Variants in SUPT3H observed in about 807,000 individuals in gnomAD.
The protein encoded by SUPT3H is transcription initiation protein SPT3 homolog.
Under a neutral mutation model 44.3 loss-of-function variants are expected in SUPT3H, and 44 were observed. The ratio of observed to expected loss-of-function variants is 0.99; its 90% confidence interval spans 0.78 to 1.28. The LOEUF (loss-of-function observed/expected upper bound fraction) is 1.28. Among genes scored for constraint, SUPT3H ranks in the 50% most tolerant of loss-of-function variants. SUPT3H has a pLI of 0.00. For missense variants in SUPT3H, 380 were observed against 387.1 expected, an observed-to-expected ratio of 0.98 and a Z score of 0.15; for synonymous variants, 124 against 125.6, an observed-to-expected ratio of 0.99 and a Z score of 0.09.
At chr6:44,860,471 T>C (rs1749305232) in intron 10 of SUPT3H, among the ~76,000 whole-genome samples, 1 of 152,206 alleles carries the variant, frequency 6.6e-6, no homozygotes, top group Non-Finnish European at 1.5e-5. Flanking sequence ...AACCTTCTCA[T>C]TGTACAGTTG....
chr6:45,055,487 C>A (rs985495235), intron 3 of SUPT3H, among the ~76,000 whole-genome samples: 2 of 152,072 alleles, frequency 1.3e-5, no homozygotes, highest in African/African-American at 4.8e-5. Context: ...CACATAGACC[C>A]ATGCAATAGC....
At chr6:45,097,395 C>G (rs532499181) in intron 3 of SUPT3H, 1 of 152,182 alleles carries the variant, frequency 6.6e-6, no homozygotes. Context: ...GAATTGATGA[C>G]GGCTCACAAT....
intron 2 of SUPT3H, among the ~76,000 whole-genome samples, chr6:45,110,800 A>C (rs73447084): frequency 1.5e-3 from 225 of 152,232 alleles, no homozygotes; most frequent in African/African-American, 5.3e-3. Flanking sequence ...CAATTGACCT[A>C]TTCTCCTCAC....
chr6:45,173,963 T>C (rs1354433739), intron 2 of SUPT3H, among the ~76,000 whole-genome samples: 1 of 152,242 alleles, frequency 6.6e-6, no homozygotes, highest in Non-Finnish European at 1.5e-5. Flanking sequence ...GTGCCCCTGC[T>C]GCCCAAAGAG....
chr6:45,282,183 CT>C (rs1375807328), intron 2 of SUPT3H, among the ~76,000 whole-genome samples: 1 of 152,184 alleles, frequency 6.6e-6, no homozygotes. Context: ...CAGAGCACCT[CT>C]CCTCCTCTAA....
In SUPT3H at chr6:44,961,750, T is replaced by A; in HGVS notation, c.580+3A>T. ...AATTAAGCAAAGTTAAATAGTTACT[T>A]ACAGAAACTTAATTGTCGACTTTCA... is the stretch of plus-strand genomic sequence containing the variant. On this transcript the variant is annotated splice_donor_region_variant and intron_variant, in intron 7 of 10. Transcript: ENST00000371459. 9 of 1,602,898 alleles carry A rather than the reference T, an allele frequency of 5.6e-6. No individual in the cohort carries two copies. The highest frequency in any genetic ancestry group is 7.7e-6 in the Non-Finnish European group (9 of 1,175,060).
chr6:44,852,399 T>C (rs781315732), intron 10 of SUPT3H, among the ~76,000 whole-genome samples: 20 of 152,140 alleles, frequency 1.3e-4, no homozygotes, highest in Non-Finnish European at 2.5e-4. Context: ...ATATGGCACC[T>C]ACATCAAAAA....
At chr6:44,903,060 T>C (rs1436574100) in intron 10 of SUPT3H, among the ~76,000 whole-genome samples, 1 of 152,000 alleles carries the variant, frequency 6.6e-6, no homozygotes, top group African/African-American at 2.4e-5. Flanking sequence ...TAGCACTAAA[T>C]GCCCACAAGA....
intron 11 of SUPT3H, among the ~76,000 whole-genome samples, chr6:44,810,837 C>T (rs560376065): frequency 1.6e-4 from 24 of 151,184 alleles, no homozygotes; most frequent in South Asian, 4.2e-4. Context: ...ACCTGGGAGG[C>T]GGAGGCTGCA....
At chr6:44,872,483 G>C (rs1171304171) in intron 10 of SUPT3H, among the ~76,000 whole-genome samples, 1 of 150,692 alleles carries the variant, frequency 6.6e-6, no homozygotes, top group Non-Finnish European at 1.5e-5. Context: ...TGCCCTAAAA[G>C]AGCTCCTGAA....
intron 6 of SUPT3H, among the ~76,000 whole-genome samples, chr6:44,970,696 A>T (rs1049017182): frequency 9.9e-5 from 15 of 152,178 alleles, no homozygotes; most frequent in African/African-American, 3.6e-4. Context: ...GGTTTACATA[A>T]TATCTAGATG....
intron 1 of SUPT3H, chr6:45,377,557 G>C (rs1340638542): frequency 6.6e-6 from 1 of 152,266 alleles, no homozygotes; most frequent in Non-Finnish European, 1.5e-5. Context: ...CGGAACCAGG[G>C]CGCTGCGCCC....
At chr6:45,223,178 A>C (rs1428471188) in intron 2 of SUPT3H, among the ~76,000 whole-genome samples, 1 of 152,032 alleles carries the variant, frequency 6.6e-6, no homozygotes, top group Non-Finnish European at 1.5e-5. Flanking sequence ...AAAGAACTAA[A>C]CACTAAACAA....
chr6:44,916,565 C>T (rs1488801263), intron 10 of SUPT3H, among the ~76,000 whole-genome samples: 1 of 152,122 alleles, frequency 6.6e-6, no homozygotes, highest in Admixed American at 6.6e-5. Context: ...CATATTATTA[C>T]TAACTGAAAA....
chr6:45,046,701 T>G (rs991614676), intron 3 of SUPT3H, among the ~76,000 whole-genome samples: 2 of 152,246 alleles, frequency 1.3e-5, no homozygotes, highest in African/African-American at 4.8e-5. Flanking sequence ...TAAAAGTGTT[T>G]TGACTTTCTA....
At chr6:44,977,258 G>T (rs999036805) in intron 6 of SUPT3H, among the ~76,000 whole-genome samples, 2 of 152,202 alleles carry the variant, frequency 1.3e-5, no homozygotes, top group African/African-American at 4.8e-5. Context: ...AAGAGGAAGG[G>T]AAGATCAGTA....
At chr6:45,281,606 G>T (rs978507627) in intron 2 of SUPT3H, among the ~76,000 whole-genome samples, 5 of 152,178 alleles carry the variant, frequency 3.3e-5, no homozygotes, top group African/African-American at 1.2e-4. Context: ...GCTCAAACTG[G>T]ATGGAGCCCA....
chr6:45,143,626 G>A (rs1805588084), intron 2 of SUPT3H, among the ~76,000 whole-genome samples: 1 of 151,872 alleles, frequency 6.6e-6, no homozygotes, highest in South Asian at 2.1e-4. Flanking sequence ...ACAATCTAAG[G>A]TCACACCTCA....
chr6:45,175,852 T>C (rs957763375), intron 2 of SUPT3H, among the ~76,000 whole-genome samples: 5 of 152,362 alleles, frequency 3.3e-5, no homozygotes, highest in South Asian at 2.1e-4. Flanking sequence ...CTTCTCATTA[T>C]AGATACCAGT....
Sources: allele counts gnomAD v4.1 joint callset (sites outside exome capture counted in the v4.1 genomes callset), GRCh38; gene constraint gnomAD v4.1.1; transcripts MANE v1.5; gene names NCBI Gene and HGNC (gene_info 2026-07-23, HGNC 2026-07-21).